GRIK4: variants seen among roughly 807,000 people sequenced by gnomAD.
The protein encoded by GRIK4 is glutamate receptor ionotropic, kainate 4.
GRIK4 carries 40 observed loss-of-function variants against 104.9 expected under a neutral mutation model. That is an observed-to-expected ratio of 0.38 (90% CI 0.30 to 0.50). The LOEUF (loss-of-function observed/expected upper bound fraction) is 0.50, where lower values mean the gene tolerates loss of function less well. Ranked by LOEUF, GRIK4 falls within the 20% of genes least tolerant of loss-of-function variation. The probability of loss-of-function intolerance (pLI) is 0.93; values close to 1 mark genes in which losing one functional copy is unlikely to be tolerated. For missense variants in GRIK4, 1,047 were observed against 1,308.1 expected (o/e 0.80, Z 3.08); for synonymous variants, 485 against 524.9 (o/e 0.92, Z 1.04).
chr11:120,586,232 A>G (rs1948661281), intron 1 of GRIK4, among the ~76,000 whole-genome samples: 3 of 152,098 alleles, frequency 2.0e-5, no homozygotes, highest in Admixed American at 6.5e-5. Context: ...TGAAGGATGA[A>G]GAGGAGTTTG....
chr11:120,541,977 A>T (rs943548637), intron 1 of GRIK4, among the ~76,000 whole-genome samples: 25 of 152,204 alleles, frequency 1.6e-4, no homozygotes, highest in African/African-American at 5.8e-4. Context: ...CCTAAAATTC[A>T]TATGGAGCCA....
chr11:120,875,139 G>T lies in GRIK4; in HGVS notation c.1060G>T (p.Val354Leu), dbSNP rs763076491. The T allele has an allele frequency of 6.3e-7, 1 of 1,593,428 alleles. No individual in the cohort carries two copies. Among genetic ancestry groups the T allele is most frequent in the Non-Finnish European group, 8.6e-7 (1 of 1,161,446 alleles). ...GTSLMNYLRMVELEGLTGHIE... is the reference protein window; with the variant it reads ...GTSLMNYLRMLELEGLTGHIE... ...CTGTAACTCACTCTCTCTTGGACAG[G>T]TAGAATTGGAAGGTCTTACCGGCCA... The change falls in exon 11 of 21, where the codon GTA (valine) becomes TTA (leucine). Residue 354 changes from valine (V) to leucine (L), a missense_variant and splice_region_variant. By Grantham distance (32) the Val-to-Leu change is conservative. This residue lies in a region of GRIK4 where 447 missense variants were observed against 514.9 expected (regional missense o/e 0.87). Coordinates refer to ENST00000527524, the MANE Select transcript of GRIK4 (RefSeq NM_014619.5).
At chr11:120,554,362 G>A (rs1426087674) in intron 1 of GRIK4, among the ~76,000 whole-genome samples, 1 of 152,180 alleles carries the variant, frequency 6.6e-6, no homozygotes, top group Non-Finnish European at 1.5e-5. Flanking sequence ...GTAAGTGCAG[G>A]TGGGGTCAGG....
rs1369678585 is a variant in GRIK4 at position 120,952,807 on chromosome 11, T to G, written c.1591-48T>G. ...CCCCGCCCTGCCTGCCCCAAGGTCA[T>G]GTTGACTGAATATGTGCGGTGAATC... On this transcript the variant is annotated intron_variant, in intron 14 of 20. Coordinates refer to ENST00000527524, the MANE Select transcript of GRIK4 (RefSeq NM_014619.5). This position sits in a 1 kb window ranked among gnomAD's most constrained non-coding sequence, Gnocchi z 5.2. The G allele has an allele frequency of 4.6e-6, 6 of 1,315,972 alleles. No individual in the cohort carries two copies. Among genetic ancestry groups the G allele is most frequent in the African/African-American group, 1.4e-5 (1 of 69,718 alleles). 81.5% of individuals were successfully genotyped at this position (1,315,972 alleles called of 1,614,324 possible).
intron 4 of GRIK4, among the ~76,000 whole-genome samples, chr11:120,810,156 T>C (rs1952801337): frequency 6.6e-6 from 1 of 152,208 alleles, no homozygotes; most frequent in Non-Finnish European, 1.5e-5. Context: ...AACAAATGCA[T>C]GCTTATATTC....
chr11:120,547,204 C>T (rs1369487816), intron 1 of GRIK4, among the ~76,000 whole-genome samples: 1 of 152,238 alleles, frequency 6.6e-6, no homozygotes, highest in Non-Finnish European at 1.5e-5. Flanking sequence ...CTCCTGGGAG[C>T]CTGTCCTGGA....
intron 11 of GRIK4, among the ~76,000 whole-genome samples, chr11:120,895,661 C>A (rs1592052933): frequency 6.6e-6 from 1 of 152,274 alleles, no homozygotes; most frequent in Non-Finnish European, 1.5e-5. Flanking sequence ...TCAGACAGAT[C>A]TAGGTTCAAG....
At chr11:120,594,847 C>T (rs1573880) in intron 1 of GRIK4, among the ~76,000 whole-genome samples, 2,328 of 152,272 alleles carry the variant, frequency 0.015, 26 homozygotes, top group Non-Finnish European at 0.025. Context: ...CTGCTGGTGG[C>T]TGTGGGAAAG....
intron 3 of GRIK4, among the ~76,000 whole-genome samples, chr11:120,771,104 A>C (rs1161524028): frequency 6.6e-6 from 1 of 152,236 alleles, no homozygotes; most frequent in Non-Finnish European, 1.5e-5. Flanking sequence ...TTTGAGATGC[A>C]TACTAGAAAA....
At chr11:120,663,955 C>T (rs1338770666) in intron 3 of GRIK4, among the ~76,000 whole-genome samples, 2 of 152,156 alleles carry the variant, frequency 1.3e-5, no homozygotes, top group East Asian at 3.8e-4. Context: ...ACATCTGTTC[C>T]AGCACTTGCC....
intron 14 of GRIK4, among the ~76,000 whole-genome samples, chr11:120,950,387 A>C (rs573849128): frequency 1.3e-5 from 2 of 152,234 alleles, no homozygotes; most frequent in Non-Finnish European, 2.9e-5. Flanking sequence ...CCCATAACCA[A>C]ATATGGCAGC....
intron 19 of GRIK4, among the ~76,000 whole-genome samples, chr11:120,971,097 T>A (rs1182501707): frequency 6.6e-6 from 1 of 152,166 alleles, no homozygotes; most frequent in Non-Finnish European, 1.5e-5. Flanking sequence ...TATTCCAAAA[T>A]CTAGGCCTGA....
At chr11:120,829,604 C>T (rs771594245) in intron 6 of GRIK4, among the ~76,000 whole-genome samples, 9 of 152,144 alleles carry the variant, frequency 5.9e-5, no homozygotes, top group African/African-American at 1.2e-4. Context: ...TCTGCCTCAC[C>T]GCGCCTGCCC....
chr11:120,817,681 A>G (rs1212807659), intron 5 of GRIK4, among the ~76,000 whole-genome samples: 1 of 152,108 alleles, frequency 6.6e-6, no homozygotes, highest in Admixed American at 6.5e-5. Flanking sequence ...TTGAGTATAG[A>G]TCGATCTTTG....
At chr11:120,625,980 C>A (rs557734201) in intron 1 of GRIK4, among the ~76,000 whole-genome samples, 100 of 152,244 alleles carry the variant, frequency 6.6e-4, no homozygotes, top group African/African-American at 2.3e-3. Flanking sequence ...AAAAGGCCAA[C>A]TTCATCTGCT....
chr11:120,706,861 G>A (rs1215678688), intron 3 of GRIK4, among the ~76,000 whole-genome samples: 1 of 152,130 alleles, frequency 6.6e-6, no homozygotes, highest in African/African-American at 2.4e-5. Context: ...TGGTGGCTGT[G>A]TCTCCTGCAA....
intron 3 of GRIK4, among the ~76,000 whole-genome samples, chr11:120,763,589 A>C (rs145086563): frequency 0.016 from 2,463 of 152,310 alleles, 63 homozygotes; most frequent in African/African-American, 0.056. Flanking sequence ...TTTGTGCTAT[A>C]AATTTCCCTC....
chr11:120,837,531 G>A (rs1953604950), intron 8 of GRIK4, among the ~76,000 whole-genome samples: 1 of 152,146 alleles, frequency 6.6e-6, no homozygotes, highest in Admixed American at 6.5e-5. Context: ...ATAGATGAAA[G>A]CCACACATAT....
At chr11:120,858,229 G>A (rs915799549) in intron 8 of GRIK4, 3 of 152,202 alleles carry the variant, frequency 2.0e-5, no homozygotes, top group African/African-American at 7.2e-5. Context: ...AAGTGAGCCA[G>A]GTGTGCATTC....
Sources: gnomAD v4.1 joint callset for allele counts (sites outside exome capture counted in the v4.1 genomes callset) on GRCh38, gnomAD v4.1.1 for gene constraint, gnomAD v4.1.1 regional missense constraint, Gnocchi (gnomAD v3.1) non-coding constraint, MANE v1.5 for transcripts, NCBI Gene and HGNC (gene_info 2026-07-23, HGNC 2026-07-21) for gene names.